ZMIZ1: variants seen among roughly 807,000 people sequenced by gnomAD.
The protein encoded by ZMIZ1 is zinc finger MIZ-type containing 1.
ZMIZ1 carries 17 observed loss-of-function variants against 113.9 expected under a neutral mutation model. The observed-to-expected ratio is 0.15, with a 90% CI of 0.10 to 0.22. The LOEUF (loss-of-function observed/expected upper bound fraction) is 0.22. Among genes scored for constraint, ZMIZ1 ranks in the 10% least tolerant of loss-of-function variants. The probability of loss-of-function intolerance (pLI) is 1.00; values close to 1 mark genes in which losing one functional copy is unlikely to be tolerated. For synonymous variants in ZMIZ1, 607 were observed against 603.1 expected (o/e 1.01, Z -0.09); for missense variants, 1,059 against 1,477.8 (o/e 0.72, Z 4.65).
intron 4 of ZMIZ1, among the ~76,000 whole-genome samples, chr10:79,200,657 T>A (rs1474606538): frequency 1.3e-5 from 2 of 152,230 alleles, no homozygotes; most frequent in African/African-American, 4.8e-5. Flanking sequence ...TTTCCCTTTC[T>A]GTCTCTCAGC....
rs542055020 is a variant in ZMIZ1, at chr10:79,222,190, T to A, written c.280+5916T>A. Among the ~76,000 whole-genome samples the A allele has an allele frequency of 2.2e-3, 330 of 152,348 alleles. 3 individuals are homozygous for A. Among genetic ancestry groups the A allele is most frequent in the Non-Finnish European group, 3.1e-3 (209 of 68,022 alleles). ...CTGAGATTGGACCACTCAATGTTTT[T>A]TTTTTATGCATACAAGTTGCCAGCA... On this transcript the variant is annotated intron_variant, in intron 7 of 24. Transcript: ENST00000334512.
intron 14 of ZMIZ1, 70 bp downstream of exon 14, chr10:79,297,760 C>A: frequency 7.3e-7 from 1 of 1,376,036 alleles, no homozygotes; most frequent in South Asian, 1.2e-5. Context: ...CTCACTGTTC[C>A]TGCTCCAGCC....
chr10:79,274,031 T>C (rs1852110225), intron 7 of ZMIZ1, among the ~76,000 whole-genome samples: 1 of 152,226 alleles, frequency 6.6e-6, no homozygotes, highest in South Asian at 2.1e-4. Flanking sequence ...AATTTGAAAA[T>C]TGGGGACCTC....
intron 7 of ZMIZ1, among the ~76,000 whole-genome samples, chr10:79,260,979 G>A (rs531685863): frequency 4.6e-5 from 7 of 152,296 alleles, no homozygotes; most frequent in African/African-American, 1.7e-4. Flanking sequence ...TGCCTAGCCT[G>A]CAGCTGACCT....
At chr10:79,107,186 G>T (rs1159149270) in intron 1 of ZMIZ1, among the ~76,000 whole-genome samples, 1 of 152,186 alleles carries the variant, frequency 6.6e-6, no homozygotes, top group Non-Finnish European at 1.5e-5. Flanking sequence ...CCATCTTCTG[G>T]CCACTTCACT....
At chr10:79,263,736 A>G (rs1314648765) in intron 7 of ZMIZ1, among the ~76,000 whole-genome samples, 1 of 151,950 alleles carries the variant, frequency 6.6e-6, no homozygotes, top group Non-Finnish European at 1.5e-5. Flanking sequence ...GGTCAAATCA[A>G]ATCAAGGGAG....
chr10:79,286,029 G>A (rs906882095), intron 8 of ZMIZ1, among the ~76,000 whole-genome samples: 1 of 152,212 alleles, frequency 6.6e-6, no homozygotes, highest in Non-Finnish European at 1.5e-5. Flanking sequence ...TGTTGGGGCC[G>A]TTTTGGCTGG....
At chr10:79,187,474 A>C (rs1847397643) in intron 4 of ZMIZ1, among the ~76,000 whole-genome samples, 3 of 152,158 alleles carry the variant, frequency 2.0e-5, no homozygotes, top group African/African-American at 7.2e-5. Context: ...TGTGGTGCCC[A>C]CTTTGCTGGG....
chr10:79,205,464 G>A (rs1185458278), intron 5 of ZMIZ1, among the ~76,000 whole-genome samples: 1 of 152,212 alleles, frequency 6.6e-6, no homozygotes, highest in Admixed American at 6.5e-5. Context: ...AGGTGAACAG[G>A]AGGCTGTTTC....
intron 2 of ZMIZ1, among the ~76,000 whole-genome samples, chr10:79,128,538 GC>G (rs1844617065): frequency 6.6e-6 from 1 of 152,188 alleles, no homozygotes; most frequent in African/African-American, 2.4e-5. Context: ...CAAGAGTGGA[GC>G]CCCTGGGGCC....
intron 7 of ZMIZ1, among the ~76,000 whole-genome samples, chr10:79,261,990 A>C (rs897157251): frequency 6.6e-6 from 1 of 152,206 alleles, no homozygotes; most frequent in African/African-American, 2.4e-5. Context: ...CTCAGGGTCA[A>C]ATCTCCAGAG....
intron 4 of ZMIZ1, among the ~76,000 whole-genome samples, chr10:79,175,757 G>A (rs2132548896): frequency 6.6e-6 from 1 of 152,002 alleles, no homozygotes; most frequent in Admixed American, 6.5e-5. Context: ...CAGCCAGCAG[G>A]AAGGCAACCT....
At chr10:79,147,734 C>T (rs1845550720) in intron 3 of ZMIZ1, among the ~76,000 whole-genome samples, 1 of 152,310 alleles carries the variant, frequency 6.6e-6, no homozygotes, top group South Asian at 2.1e-4. Context: ...TGTTGCAGGG[C>T]TCAGGAAGAG....
chr10:79,243,243 T>C (rs1849960959), intron 7 of ZMIZ1, among the ~76,000 whole-genome samples: 1 of 149,440 alleles, frequency 6.7e-6, no homozygotes. Context: ...CCGTGGGAAG[T>C]TTCTCCGGCG....
chr10:79,182,490 GCATTGGTT>G (rs1185805966), intron 4 of ZMIZ1, among the ~76,000 whole-genome samples: 1 of 152,196 alleles, frequency 6.6e-6, no homozygotes, highest in East Asian at 1.9e-4. Flanking sequence ...GAGTGCAGCA[GCATTGGTT>G]CTGGGTGTGC....
chr10:79,301,503 C>T (rs1412382722), intron 17 of ZMIZ1, among the ~76,000 whole-genome samples: 1 of 152,166 alleles, frequency 6.6e-6, no homozygotes, highest in African/African-American at 2.4e-5. Flanking sequence ...ACACACAGGG[C>T]TTGCTCAGGC....
chr10:79,258,007 G>A (rs1851029354), intron 7 of ZMIZ1, among the ~76,000 whole-genome samples: 1 of 152,204 alleles, frequency 6.6e-6, no homozygotes, highest in South Asian at 2.1e-4. Context: ...ACCCCAAGAA[G>A]GTAGTCAGAA....
rs370541091 is a variant in ZMIZ1, at chr10:79,102,926, G to A, written c.-336-15989G>A. Reference sequence around the variant, plus strand: ...CAGTGATCTAAACATTGGATAGAAAGCAGGAAACCAGCTTGAGGAGGTGCT... The same window carrying A: ...CAGTGATCTAAACATTGGATAGAAAACAGGAAACCAGCTTGAGGAGGTGCT... On this transcript the variant is annotated intron_variant, in intron 1 of 24. Coordinates refer to ENST00000334512, the MANE Select transcript of ZMIZ1 (RefSeq NM_020338.4). Among the ~76,000 whole-genome samples the A allele has an allele frequency of 5.9e-5, 9 of 152,350 alleles. No homozygotes were observed. The East Asian group carries it at 1.2e-3, about 20-fold the overall frequency.
intron 1 of ZMIZ1, among the ~76,000 whole-genome samples, chr10:79,104,949 G>GT (rs2132273907): frequency 7.4e-6 from 1 of 135,034 alleles, no homozygotes; most frequent in South Asian, 2.6e-4. Context: ...TGTTGTTGTG[G>GT]GGTGTGTGTG....
Sources: allele counts gnomAD v4.1 joint callset (sites outside exome capture counted in the v4.1 genomes callset), GRCh38; gene constraint gnomAD v4.1.1; transcripts MANE v1.5; gene names NCBI Gene and HGNC (gene_info 2026-07-23, HGNC 2026-07-21).